DNAH6: variants seen among roughly 807,000 people sequenced by gnomAD.
DNAH6 encodes the protein dynein axonemal heavy chain 6.
In DNAH6, 340 loss-of-function variants were observed where a neutral mutation model predicts 491.4. The observed-to-expected ratio is 0.69, with a 90% CI of 0.63 to 0.76. The LOEUF (loss-of-function observed/expected upper bound fraction) is 0.76, where lower values mean the gene tolerates loss of function less well. DNAH6 is among the 30% of genes least tolerant of loss of function. The pLI is 0.00. For missense variants in DNAH6, 4,443 were observed against 4,972.2 expected (o/e 0.89, Z 3.20); for synonymous variants, 1,603 against 1,686.1 (o/e 0.95, Z 1.21).
chr2:84,813,920 G>A (rs1680243567), intron 74 of DNAH6, 51 bp from the exon 75 acceptor site: 1 of 1,538,660 alleles, frequency 6.5e-7, no homozygotes, highest in Non-Finnish European at 8.8e-7. Context: ...AATAGTGCCT[G>A]GGGAGTAGCA....
At chr2:84,547,689 C>G (rs1678913044) in intron 7 of DNAH6, 77 bp downstream of exon 7, 1 of 1,394,258 alleles carries the variant, frequency 7.2e-7, no homozygotes. Context: ...TTTGACTTTT[C>G]TTAAGTTTAA....
At chr2:84,543,990 T>C (rs1458919969) in intron 4 of DNAH6, among the ~76,000 whole-genome samples, 2 of 152,154 alleles carry the variant, frequency 1.3e-5, no homozygotes, top group African/African-American at 4.8e-5. Flanking sequence ...GTAAAAATCA[T>C]GTAACTGAAA....
chr2:84,632,672 T>G (rs1688515405), intron 29 of DNAH6, among the ~76,000 whole-genome samples: 1 of 152,244 alleles, frequency 6.6e-6, no homozygotes, highest in Admixed American at 6.5e-5. Flanking sequence ...ACTTAGTCTT[T>G]AGTCCTGTCC....
In DNAH6 at chr2:84,784,802, T is replaced by C; in HGVS notation, c.10945T>C (p.Ser3649Pro). 6.5e-7 allele frequency: 1 copy of C among 1,546,796 alleles called. No homozygotes were observed. Among genetic ancestry groups the C allele is most frequent in the Non-Finnish European group, 8.8e-7 (1 of 1,142,712 alleles). ...NTFPVTVLQN[S>P]VKVTNEPPKG... Reference sequence around the variant, plus strand: ...ATTTCCTGTTACAGTTCTTCAAAATTCTGTCAAGGTAATGTATGCATATGG... The same window carrying C: ...ATTTCCTGTTACAGTTCTTCAAAATCCTGTCAAGGTAATGTATGCATATGG... The change falls in exon 66 of 77, where the codon TCT becomes CCT. Residue 3649 changes from serine (S) to proline (P), a missense_variant. Around this residue, in one of 3 missense-constraint regions of DNAH6, gnomAD observed 1,463 missense variants for 1,656.6 expected, o/e 0.88. Transcript: ENST00000389394.
intron 64 of DNAH6, chr2:84,777,672 G>A (rs1448507580): frequency 7.4e-6 from 6 of 813,206 alleles, no homozygotes; most frequent in Admixed American, 1.7e-5. Flanking sequence ...GAATCTCCAC[G>A]TTCCCCAAGG....
At chr2:84,733,905 C>T (rs1699317100) in intron 62 of DNAH6, among the ~76,000 whole-genome samples, 1 of 150,834 alleles carries the variant, frequency 6.6e-6, no homozygotes, top group Admixed American at 6.6e-5. Flanking sequence ...TGAAGGATAA[C>T]ATAAATCCAG....
At chr2:84,700,598 A>G (rs1240582934) in intron 48 of DNAH6, among the ~76,000 whole-genome samples, 1 of 152,246 alleles carries the variant, frequency 6.6e-6, no homozygotes, top group Non-Finnish European at 1.5e-5. Context: ...AGTGATACTA[A>G]TTGGCAGCCA....
At chr2:84,674,451 G>A (rs186064495) in intron 40 of DNAH6, among the ~76,000 whole-genome samples, 1 of 152,266 alleles carries the variant, frequency 6.6e-6, no homozygotes, top group Admixed American at 6.5e-5. Context: ...AATAAGATGA[G>A]TGTAAGAGGC....
chr2:84,717,635 G>A (rs1697672044), intron 58 of DNAH6, among the ~76,000 whole-genome samples: 1 of 152,192 alleles, frequency 6.6e-6, no homozygotes, highest in South Asian at 2.1e-4. Context: ...ATTGCATAGA[G>A]TAGTACTTAA....
chr2:84,743,167 G>C (rs1420919115), intron 62 of DNAH6, among the ~76,000 whole-genome samples: 1 of 152,172 alleles, frequency 6.6e-6, no homozygotes, highest in Non-Finnish European at 1.5e-5. Flanking sequence ...TCTACACAGA[G>C]GCAAAGGAAG....
chr2:84,621,908 G>A (rs1687432810), intron 26 of DNAH6, among the ~76,000 whole-genome samples: 1 of 152,122 alleles, frequency 6.6e-6, no homozygotes, highest in African/African-American at 2.4e-5. Context: ...CCAGATTCAT[G>A]CCATTACTAT....
chr2:84,500,519 T>C, the DNAH6 span, among the ~76,000 whole-genome samples: 1 of 152,244 alleles, frequency 6.6e-6, no homozygotes. Context: ...TCTGGGTCTT[T>C]TTATGGTTCC....
chr2:84,756,161 G>C (rs1186907691), intron 63 of DNAH6, among the ~76,000 whole-genome samples: 1 of 152,180 alleles, frequency 6.6e-6, no homozygotes, highest in Non-Finnish European at 1.5e-5. Context: ...GGTTGAGGAA[G>C]TTCTCTTCTA....
chr2:84,706,200 G>T (rs1696411868), intron 52 of DNAH6, among the ~76,000 whole-genome samples: 1 of 152,174 alleles, frequency 6.6e-6, no homozygotes. Flanking sequence ...CTATAGAGCA[G>T]GGGTTGGCAA....
At chr2:84,688,653 A>C in intron 45 of DNAH6, 60 bp downstream of exon 45, 10 of 1,384,048 alleles carry the variant, frequency 7.2e-6, no homozygotes, top group Non-Finnish European at 9.6e-6. Context: ...ATTAAAGGGT[A>C]AAAAAATAAG....
chr2:84,518,076 G>A (rs1173032139), intron 2 of DNAH6, 25 bp downstream of exon 2: 2 of 1,496,876 alleles, frequency 1.3e-6, no homozygotes, highest in Non-Finnish European at 1.8e-6. Flanking sequence ...CATTGTTTTA[G>A]CCTCTGTAGC....
intron 56 of DNAH6, among the ~76,000 whole-genome samples, chr2:84,711,361 C>T (rs575393505): frequency 5.3e-5 from 8 of 152,222 alleles, no homozygotes; most frequent in East Asian, 3.9e-4. Context: ...AAAGAACAAG[C>T]GAGCCAAAAC....
At position 84,624,835 on chromosome 2, in the gene DNAH6, G is replaced by A. The variant is rs376391004; in HGVS notation, c.4354-67G>A. On this transcript the variant is annotated intron_variant, in intron 28 of 76. Transcript: ENST00000389394. ...AAAATAATAATCCTTCCCCCATAGAGAGGAAATGCCTTAATTTGTGGCCAG... is the reference window on the plus strand; with the variant it reads ...AAAATAATAATCCTTCCCCCATAGAAAGGAAATGCCTTAATTTGTGGCCAG... 76 of 1,429,988 alleles carry A rather than the reference G, an allele frequency of 5.3e-5. No individual in the cohort carries two copies. The African/African-American group carries it at 9.7e-4, about 18-fold the overall frequency. The allele number at this position is 1,429,988 out of a possible 1,614,324, so 88.6% of individuals were successfully genotyped here. A position where few individuals can be genotyped will look rare whatever the true frequency, so the allele number is the denominator to read the frequency against.
Position 84,579,534 on chromosome 2 carries a change from A to G in DNAH6, c.2084A>G (p.Asn695Ser). The G allele has an allele frequency of 6.2e-7, 1 of 1,613,808 alleles. No homozygotes were observed. Among genetic ancestry groups the G allele is most frequent in the South Asian group, 1.1e-5 (1 of 91,030 alleles). The change falls in exon 14 of 77, where the codon AAT (asparagine) becomes AGT (serine). Residue 695 changes from asparagine to serine, a missense_variant. Physicochemically the swap from Asn to Ser is conservative, Grantham distance 46. Coordinates refer to ENST00000389394, the MANE Select transcript of DNAH6 (RefSeq NM_001370.2). ...PSPLRCLEVL[N>S]FMLPRQSKKK... is the part of the protein sequence containing the mutation. Reference sequence around the variant, plus strand: ...ACGGTGTTTCTTTCTTAGGTGCTAAATTTTATGCTTCCTCGTCAAAGCAAG... The same window carrying G: ...ACGGTGTTTCTTTCTTAGGTGCTAAGTTTTATGCTTCCTCGTCAAAGCAAG...
Sources: allele counts gnomAD v4.1 joint callset (sites outside exome capture counted in the v4.1 genomes callset), GRCh38; gene constraint gnomAD v4.1.1; regional missense constraint gnomAD v4.1.1; transcripts MANE v1.5; gene names NCBI Gene and HGNC (gene_info 2026-07-23, HGNC 2026-07-21).